The following CACNG5 variants were observed in gnomAD, a reference collection of about 807,000 sequenced individuals.
CACNG5 encodes the protein calcium voltage-gated channel auxiliary subunit gamma 5, also known as voltage-dependent calcium channel gamma-5 subunit.
Under a neutral mutation model 24.8 loss-of-function variants are expected in CACNG5, and 18 were observed. The observed-to-expected ratio is 0.73, with a 90% CI of 0.50 to 1.08. The LOEUF is 1.08. Ranked by LOEUF, CACNG5 falls within the 50% of genes least tolerant of loss-of-function variation. The pLI, the probability that CACNG5 is intolerant of heterozygous loss-of-function variation, is 0.00. For missense variants in CACNG5, 349 were observed against 367.9 expected (o/e 0.95, Z 0.42); for synonymous variants, 157 against 149.1 (o/e 1.05, Z -0.39).
At chr17:66,864,683 T>G (rs1003857858) in intron 1 of CACNG5, among the ~76,000 whole-genome samples, 2 of 152,232 alleles carry the variant, frequency 1.3e-5, no homozygotes, top group African/African-American at 2.4e-5. Context: ...ACTGTTTTAA[T>G]TTTTGTAGCT....
intron 4 of CACNG5, among the ~76,000 whole-genome samples, chr17:66,883,931 G>T (rs938020498): frequency 6.6e-6 from 1 of 152,036 alleles, no homozygotes; most frequent in Non-Finnish European, 1.5e-5. Context: ...TTAGGAGTTC[G>T]AGACCAACCT....
intron 3 of CACNG5, among the ~76,000 whole-genome samples, 167 bp downstream of exon 3, chr17:66,879,225 T>C (rs1977125761): frequency 1.3e-5 from 2 of 152,154 alleles, no homozygotes; most frequent in South Asian, 4.1e-4. Context: ...AATTTTCCAG[T>C]AGTGAAAACA....
At chr17:66,859,860 T>A (rs1387158238) in intron 1 of CACNG5, among the ~76,000 whole-genome samples, 1 of 151,462 alleles carries the variant, frequency 6.6e-6, no homozygotes, top group Non-Finnish European at 1.5e-5. Flanking sequence ...CTTCTCTCCC[T>A]CTCCACCCTC....
rs1433930254 is a variant in CACNG5, at chr17:66,888,087, G to GTCA, written c.*2849_*2851dup. On this transcript the variant is annotated 3_prime_UTR_variant, in exon 6 of 6. Transcript: ENST00000533854. ...GAGGGGTAGACTAATAAACCCAAGT[G>GTCA]TCATGATTTATGGAATAAAATAACT... Among the ~76,000 whole-genome samples, 3 of 151,472 alleles carry GTCA rather than the reference G, an allele frequency of 2.0e-5. No homozygotes were observed. The highest frequency in any genetic ancestry group is 6.6e-5 in the Admixed American group (1 of 15,198).
At position 66,890,444 on chromosome 17, in the gene CACNG5, G is replaced by C. The variant is rs1047230581; in HGVS notation, c.*5204G>C. On this transcript the variant is annotated 3_prime_UTR_variant, in exon 6 of 6. Transcript: ENST00000533854. ...ACAGGTGCTAGGGCCTCATGTCCTTGGTACTGGCAGAGCTGAGGTCTCTGG... is the reference window on the plus strand; with the variant it reads ...ACAGGTGCTAGGGCCTCATGTCCTTCGTACTGGCAGAGCTGAGGTCTCTGG... Among the ~76,000 whole-genome samples, 3 of 152,228 alleles carry C rather than the reference G, an allele frequency of 2.0e-5. No homozygotes were observed. Among genetic ancestry groups the C allele is most frequent in the African/African-American group, 7.2e-5 (3 of 41,462 alleles).
At chr17:66,837,959 G>A (rs1976504640) in intron 1 of CACNG5, among the ~76,000 whole-genome samples, 1 of 151,988 alleles carries the variant, frequency 6.6e-6, no homozygotes, top group South Asian at 2.1e-4. Flanking sequence ...GTGGGTGCCA[G>A]GCCTGTGTCT....
chr17:66,845,805 C>CA (rs1976632605), intron 1 of CACNG5, among the ~76,000 whole-genome samples: 1 of 152,162 alleles, frequency 6.6e-6, no homozygotes, highest in African/African-American at 2.4e-5. Context: ...TCCCCCAGTG[C>CA]TAATCACAGA....
intron 1 of CACNG5, among the ~76,000 whole-genome samples, chr17:66,864,636 A>G (rs1015481861): frequency 2.6e-5 from 4 of 152,060 alleles, no homozygotes; most frequent in East Asian, 1.9e-4. Flanking sequence ...CTCTCTTTTT[A>G]TTTCCATTGA....
intron 1 of CACNG5, among the ~76,000 whole-genome samples, chr17:66,870,566 C>T (rs188266608): frequency 6.6e-6 from 1 of 152,232 alleles, no homozygotes; most frequent in African/African-American, 2.4e-5. Flanking sequence ...GTGGAGAAAC[C>T]CTGTTCTAAA....
At chr17:66,858,685 C>T (rs539546302) in intron 1 of CACNG5, among the ~76,000 whole-genome samples, 1 of 142,398 alleles carries the variant, frequency 7.0e-6, no homozygotes, top group East Asian at 2.3e-4. Context: ...CCCCCTCCCT[C>T]CCCCCACCTT....
At position 66,893,840 on chromosome 17, in the gene CACNG5, G is replaced by A. The variant is rs1977375942; in HGVS notation, c.*8600G>A. On this transcript the variant is annotated 3_prime_UTR_variant, in exon 6 of 6. Coordinates refer to ENST00000533854, the MANE Select transcript of CACNG5 (RefSeq NM_145811.3). ...CGTAAATTCCTGAGTTGATGGGTGT[G>A]TGGGGTGCAAAGAAAAAAAAAGTGA... is the stretch of plus-strand genomic sequence containing the variant. 6.6e-6 allele frequency among the ~76,000 whole-genome samples: 1 copy of A among 152,016 alleles called. No individual in the cohort carries two copies. The highest frequency in any genetic ancestry group is 1.5e-5 in the Non-Finnish European group (1 of 68,016).
intron 1 of CACNG5, among the ~76,000 whole-genome samples, chr17:66,870,806 C>A (rs1191888809): frequency 6.6e-6 from 1 of 152,094 alleles, no homozygotes; most frequent in African/African-American, 2.4e-5. Context: ...TGGTGAAACC[C>A]CATCTCTATT....
At chr17:66,845,257 G>A (rs184234344) in intron 1 of CACNG5, among the ~76,000 whole-genome samples, 7 of 152,188 alleles carry the variant, frequency 4.6e-5, no homozygotes, top group African/African-American at 1.2e-4. Context: ...ACACATGGAC[G>A]TAGGGAGGGG....
chr17:66,879,117 A>G, intron 3 of CACNG5, 59 bp downstream of exon 3: 3 of 1,272,548 alleles, frequency 2.4e-6, no homozygotes, highest in Non-Finnish European at 3.4e-6. Context: ...AGCAAGGCAG[A>G]GGGAAGAGTC....
At chr17:66,857,963 C>A (rs986788927) in intron 1 of CACNG5, among the ~76,000 whole-genome samples, 4 of 152,124 alleles carry the variant, frequency 2.6e-5, no homozygotes, top group African/African-American at 9.7e-5. Flanking sequence ...AATTAAGGAC[C>A]ATTGATATAT....
chr17:66,848,757 G>A (rs1307308951), intron 1 of CACNG5, among the ~76,000 whole-genome samples: 1 of 152,106 alleles, frequency 6.6e-6, no homozygotes, highest in Non-Finnish European at 1.5e-5. Flanking sequence ...AGACCCTGCT[G>A]AGCAGACCCC....
intron 1 of CACNG5, among the ~76,000 whole-genome samples, chr17:66,849,208 C>A (rs952753138): frequency 6.6e-6 from 1 of 152,162 alleles, no homozygotes; most frequent in African/African-American, 2.4e-5. Context: ...TCCTCCACCC[C>A]CTCTTCCCTC....
intron 1 of CACNG5, among the ~76,000 whole-genome samples, chr17:66,852,239 C>T (rs576187410): frequency 1.1e-4 from 17 of 152,274 alleles, no homozygotes; most frequent in Non-Finnish European, 2.1e-4. Flanking sequence ...ATGAGAGTAG[C>T]GCTGTAGGTC....
Position 66,885,535 on chromosome 17 carries a change from G to A in CACNG5, c.*295G>A. On this transcript the variant is annotated 3_prime_UTR_variant, in exon 6 of 6. Coordinates refer to ENST00000533854, the MANE Select transcript of CACNG5 (RefSeq NM_145811.3). ...CCAGGAAGCCAGCAGCTCCCCCCAAGCCCAGGAGACACCGATGTTCCCTTT... is the reference window on the plus strand; with the variant it reads ...CCAGGAAGCCAGCAGCTCCCCCCAAACCCAGGAGACACCGATGTTCCCTTT... 2.5e-6 allele frequency: 1 copy of A among 402,264 alleles called. No homozygotes were observed. Among genetic ancestry groups the A allele is most frequent in the Non-Finnish European group, 4.5e-6 (1 of 224,662 alleles). 24.9% of individuals were successfully genotyped at this position (402,264 alleles called of 1,614,324 possible). A position where few individuals can be genotyped will look rare whatever the true frequency, so the allele number is the denominator to read the frequency against.
Sources: gnomAD v4.1 joint callset for allele counts (sites outside exome capture counted in the v4.1 genomes callset) on GRCh38, gnomAD v4.1.1 for gene constraint, MANE v1.5 for transcripts, NCBI Gene and HGNC (gene_info 2026-07-23, HGNC 2026-07-21) for gene names.